The following FAM184B variants were observed in gnomAD, a reference collection of about 807,000 sequenced individuals.
FAM184B encodes the protein protein FAM184B.
In FAM184B, 111 loss-of-function variants were observed where a neutral mutation model predicts 135.9. The observed-to-expected ratio is 0.82, with a 90% CI of 0.70 to 0.96. The LOEUF (loss-of-function observed/expected upper bound fraction) is 0.96, where lower values mean the gene tolerates loss of function less well. Ranked by LOEUF, FAM184B falls within the 40% of genes least tolerant of loss-of-function variation. FAM184B has a pLI of 0.00. For synonymous variants in FAM184B, 552 were observed against 524.8 expected, an observed-to-expected ratio of 1.05 and a Z score of -0.71; for missense variants, 1,375 against 1,323.9, an observed-to-expected ratio of 1.04 and a Z score of -0.60.
chr4:17,709,763 A>G, intron 1 of FAM184B, 119 bp from the exon 2 acceptor site: 2 of 907,508 alleles, frequency 2.2e-6, no homozygotes, highest in Non-Finnish European at 1.6e-6. Context: ...ACCTGAGAAG[A>G]GGATTTGCGT....
At chr4:17,651,904 C>G (rs1475010313) in intron 11 of FAM184B, among the ~76,000 whole-genome samples, 7 of 151,982 alleles carry the variant, frequency 4.6e-5, no homozygotes, top group African/African-American at 1.5e-4. Flanking sequence ...GAGTTTTGTG[C>G]TGGGGATGAT....
intron 1 of FAM184B, among the ~76,000 whole-genome samples, chr4:17,743,168 C>G (rs1443839707): frequency 2.6e-5 from 4 of 152,176 alleles, no homozygotes; most frequent in Admixed American, 2.6e-4. Context: ...CTCATCGAGA[C>G]CCTGTCCACC....
intron 1 of FAM184B, among the ~76,000 whole-genome samples, chr4:17,764,303 C>T (rs1212174790): frequency 1.3e-5 from 2 of 152,204 alleles, no homozygotes; most frequent in South Asian, 2.1e-4. Context: ...ACCAAAGGTG[C>T]TCTCCTTCAC....
intron 7 of FAM184B, among the ~76,000 whole-genome samples, chr4:17,686,593 G>C (rs1347811031): frequency 2.0e-5 from 3 of 152,216 alleles, no homozygotes; most frequent in African/African-American, 7.2e-5. Flanking sequence ...CAGGTCACCT[G>C]CCCTCACCTT....
intron 1 of FAM184B, among the ~76,000 whole-genome samples, chr4:17,743,531 C>T (rs1045430054): frequency 3.9e-5 from 6 of 152,190 alleles, no homozygotes; most frequent in South Asian, 4.1e-4. Flanking sequence ...TTTCCTCTCT[C>T]CCTCTTCACT....
intron 17 of FAM184B, 129 bp downstream of exon 17, chr4:17,633,560 G>A (rs551247386): frequency 1.2e-4 from 103 of 828,690 alleles, no homozygotes; most frequent in Middle Eastern, 1.2e-3. Context: ...GTGATTCAGT[G>A]TCCCTTGTCT....
At chr4:17,640,002 G>A (rs1028452202) in intron 13 of FAM184B, among the ~76,000 whole-genome samples, 3 of 151,168 alleles carry the variant, frequency 2.0e-5, no homozygotes, top group African/African-American at 7.3e-5. Context: ...CCAATTTTTT[G>A]TATTTTTAGT....
At chr4:17,639,546 G>A (rs1434990428) in intron 13 of FAM184B, 150 bp from the exon 14 acceptor site, 11 of 963,254 alleles carry the variant, frequency 1.1e-5, no homozygotes, top group Non-Finnish European at 1.7e-5. Flanking sequence ...AAGAAGAGCT[G>A]AAGTCTCTTG....
intron 1 of FAM184B, among the ~76,000 whole-genome samples, chr4:17,769,268 A>G (rs1415325820): frequency 1.3e-5 from 2 of 152,230 alleles, no homozygotes; most frequent in Non-Finnish European, 2.9e-5. Context: ...TTTTAAAAAT[A>G]TGTGTCTCCC....
Position 17,629,891 on chromosome 4 carries a change from T to TAACA in FAM184B, c.*2637_*2640dup, listed in dbSNP as rs745763037. On this transcript the variant is annotated 3_prime_UTR_variant, in exon 18 of 18. Coordinates refer to ENST00000265018, the MANE Select transcript of FAM184B (RefSeq NM_015688.2). ...AACTTTCTGAATGGCAGTTTGGTAA[T>TAACA]AACAAACAAAAAGCTTAAGTTTGTG... 6.6e-6 allele frequency: 1 copy of TAACA among 152,208 alleles called. No individual in the cohort carries two copies. Among genetic ancestry groups the TAACA allele is most frequent in the African/African-American group, 2.4e-5 (1 of 41,462 alleles). 9.4% of individuals were successfully genotyped at this position (152,208 alleles called of 1,614,324 possible). A position where few individuals can be genotyped will look rare whatever the true frequency, so the allele number is the denominator to read the frequency against.
chr4:17,733,532 A>T (rs1240245132), intron 1 of FAM184B, among the ~76,000 whole-genome samples: 5 of 152,218 alleles, frequency 3.3e-5, no homozygotes, highest in Middle Eastern at 3.2e-3. Context: ...ATTCTTATAC[A>T]CCAGTAACAG....
rs1348393245 is a variant in FAM184B, at chr4:17,709,473, C to T, written c.313G>A (p.Glu105Lys). Residue 105 changes from glutamate (E) to lysine (K), a missense_variant, in exon 2 of 18, where the codon GAG becomes AAG. By Grantham distance (56) the Glu-to-Lys change is moderately conservative. Coordinates refer to ENST00000265018, the MANE Select transcript of FAM184B (RefSeq NM_015688.2). ...EALLQRIQAL[E>K]SALELQKRLT... is the part of the protein sequence containing the mutation. ...CTCTTTTGCAGCTCCAGGGCGCTCT[C>T]CAGGGCCTGGATGCGCTGTAGAAGG... The T allele has an allele frequency of 1.9e-6, 3 of 1,543,304 alleles. No individual in the cohort carries two copies.
intron 5 of FAM184B, among the ~76,000 whole-genome samples, chr4:17,697,183 C>T (rs973038260): frequency 2.4e-4 from 37 of 152,190 alleles, no homozygotes; most frequent in Admixed American, 6.5e-4. Flanking sequence ...ATTCCACAGT[C>T]ATTGAAGAAG....
chr4:17,735,848 G>A (rs1717896251), intron 1 of FAM184B, among the ~76,000 whole-genome samples: 1 of 152,156 alleles, frequency 6.6e-6, no homozygotes, highest in Non-Finnish European at 1.5e-5. Flanking sequence ...TACACACAGT[G>A]CCAAACTCAT....
chr4:17,747,490 TAAAC>T (rs1247363696), intron 1 of FAM184B, among the ~76,000 whole-genome samples: 2 of 151,924 alleles, frequency 1.3e-5, no homozygotes, highest in African/African-American at 4.8e-5. Context: ...AAATACAAAG[TAAAC>T]AAAAAGATAA....
chr4:17,734,402 A>G (rs1457974855), intron 1 of FAM184B, among the ~76,000 whole-genome samples: 3 of 151,864 alleles, frequency 2.0e-5, no homozygotes, highest in Non-Finnish European at 2.9e-5. Flanking sequence ...GCAACCTACA[A>G]AATGGGAGAA....
intron 1 of FAM184B, among the ~76,000 whole-genome samples, chr4:17,766,788 C>T (rs892145326): frequency 2.0e-5 from 3 of 152,256 alleles, no homozygotes; most frequent in Admixed American, 6.5e-5. Flanking sequence ...AGGTGCCTGC[C>T]AGTCCCGCGC....
chr4:17,691,642 C>T (rs11735061), intron 6 of FAM184B, among the ~76,000 whole-genome samples: 87,316 of 146,090 alleles, frequency 0.6, 26,574 homozygotes, highest in East Asian at 0.86. Flanking sequence ...GCTGAGATCA[C>T]GCCAATGCAC....
chr4:17,736,974 A>G (rs1717923374), intron 1 of FAM184B, among the ~76,000 whole-genome samples: 1 of 152,098 alleles, frequency 6.6e-6, no homozygotes, highest in Non-Finnish European at 1.5e-5. Flanking sequence ...GTGAAACGCC[A>G]TCTCTACTAA....
Sources: gnomAD v4.1 joint callset for allele counts (sites outside exome capture counted in the v4.1 genomes callset) on GRCh38, gnomAD v4.1.1 for gene constraint, MANE v1.5 for transcripts, NCBI Gene and HGNC (gene_info 2026-07-23, HGNC 2026-07-21) for gene names.